The following SPATA6 variants were observed in gnomAD, a reference collection of about 807,000 sequenced individuals.
The protein encoded by SPATA6 is spermatogenesis associated 6.
Under a neutral mutation model 65.3 loss-of-function variants are expected in SPATA6, and 56 were observed. The observed-to-expected ratio is 0.86, with a 90% confidence interval of 0.69 to 1.07. The LOEUF is 1.07. SPATA6 is among the 50% of genes least tolerant of loss of function. The probability of loss-of-function intolerance (pLI) is 0.00; values close to 1 mark genes in which losing one functional copy is unlikely to be tolerated. For missense variants in SPATA6, 590 were observed against 594.8 expected (o/e 0.99, Z 0.08); for synonymous variants, 199 against 213.2 (o/e 0.93, Z 0.58).
chr1:48,346,264 A>T (rs1204688399), intron 11 of SPATA6, among the ~76,000 whole-genome samples: 1 of 152,172 alleles, frequency 6.6e-6, no homozygotes, highest in Non-Finnish European at 1.5e-5. Flanking sequence ...AAGGCTTTTG[A>T]TAAAATTCAA....
chr1:48,364,624 C>G (rs1646934932), intron 9 of SPATA6, among the ~76,000 whole-genome samples: 1 of 152,200 alleles, frequency 6.6e-6, no homozygotes. Context: ...CTGTTCATAT[C>G]CTTTGCCAAC....
At chr1:48,421,229 T>G (rs1433885355) in intron 3 of SPATA6, among the ~76,000 whole-genome samples, 1 of 152,156 alleles carries the variant, frequency 6.6e-6, no homozygotes, top group Non-Finnish European at 1.5e-5. Flanking sequence ...AATAAATGTT[T>G]GAGGTGCTAG....
chr1:48,433,655 A>T (rs1170297603), intron 3 of SPATA6, among the ~76,000 whole-genome samples: 1 of 152,164 alleles, frequency 6.6e-6, no homozygotes, highest in Non-Finnish European at 1.5e-5. Context: ...CTGCTATAAT[A>T]ATTTTTTCTG....
At chr1:48,446,588 T>A (rs532373836) in intron 3 of SPATA6, among the ~76,000 whole-genome samples, 6 of 152,162 alleles carry the variant, frequency 3.9e-5, no homozygotes, top group East Asian at 1.9e-4. Context: ...AGAAAAAAAA[T>A]TTAAGGGTTT....
chr1:48,265,480 A>G, the SPATA6 span, among the ~76,000 whole-genome samples: 1 of 152,008 alleles, frequency 6.6e-6, no homozygotes, highest in African/African-American at 2.4e-5. Context: ...GCCAAGCATT[A>G]TGTTTCTTGG....
intron 8 of SPATA6, 67 bp from the exon 9 acceptor site, chr1:48,385,416 ATT>A: frequency 1.5e-6 from 2 of 1,356,996 alleles, no homozygotes; most frequent in Non-Finnish European, 2.1e-6. Context: ...TAATACTATC[ATT>A]GTTTCTACAA....
At chr1:48,465,823 C>A (rs141761663) in intron 1 of SPATA6, among the ~76,000 whole-genome samples, 189 of 152,212 alleles carry the variant, frequency 1.2e-3, no homozygotes, top group African/African-American at 4.3e-3. Flanking sequence ...ACAAAGTGTA[C>A]TCTTTCCTCA....
At chr1:48,365,293 G>C (rs1436342016) in intron 9 of SPATA6, among the ~76,000 whole-genome samples, 9 of 152,188 alleles carry the variant, frequency 5.9e-5, no homozygotes, top group Admixed American at 5.9e-4. Context: ...CTCTTTTTTG[G>C]TTCCATATGA....
In SPATA6 at chr1:48,298,788, G is replaced by A. The variant is rs1644860632; in HGVS notation, c.1392C>T (p.Asn464=). The A allele has an allele frequency of 2.5e-6, 4 of 1,613,988 alleles. No homozygotes were observed. In the East Asian group the frequency reaches 6.7e-5, roughly 27 times the overall value. The change falls in exon 13 of 13, where the codon AAC becomes AAT. Residue 464 remains asparagine (N), a synonymous_variant. Transcript: ENST00000371847. ...KGKSHRPIFE[N]SMDKMYRNLY... is the part of the protein sequence containing the mutation. The stretch of plus-strand genomic sequence containing the variant: ...AGTTCCTGTACATCTTGTCCATGCT[G>A]TTCTCAAAGATGGGTCGGTGGGATT...
chr1:48,359,590 C>T lies in SPATA6; in HGVS notation c.1090G>A (p.Glu364Lys). The T allele has an allele frequency of 6.2e-7, 1 of 1,612,468 alleles. No individual in the cohort carries two copies. The highest frequency in any genetic ancestry group is 8.5e-7 in the Non-Finnish European group (1 of 1,178,982). ...SPVLNRASLR[E>K]RFHSDWCSPS... ...ATGAAGACCGCACATAATTACCTTT[C>T]CCTGAGAGAAGCTCTATTTAACACA... Residue 364 changes from glutamate (E) to lysine (K), a missense_variant, in exon 10 of 13, where the codon GAA (glutamate) becomes AAA (lysine). Glu to Lys is a moderately conservative substitution (Grantham distance 56). Coordinates refer to ENST00000371847, the MANE Select transcript of SPATA6 (RefSeq NM_019073.4).
chr1:48,385,384 A>C, intron 8 of SPATA6, 35 bp from the exon 9 acceptor site: 2 of 1,585,178 alleles, frequency 1.3e-6, no homozygotes, highest in Non-Finnish European at 1.7e-6. Flanking sequence ...TAAAGTTTAA[A>C]TTTGGTTTCA....
intron 11 of SPATA6, among the ~76,000 whole-genome samples, chr1:48,341,056 T>C (rs1343352116): frequency 6.6e-6 from 1 of 152,120 alleles, no homozygotes; most frequent in Non-Finnish European, 1.5e-5. Context: ...ACACTAGTAT[T>C]GGGAAAACAA....
rs140731181 is a variant in SPATA6 at position 48,312,678 on chromosome 1, C to T, written c.1195-6800G>A. Among the ~76,000 whole-genome samples the T allele has an allele frequency of 3.0e-3, 463 of 152,232 alleles. 2 individuals are homozygous for T. The highest frequency in any genetic ancestry group is 0.01 in the African/African-American group (419 of 41,526). ...AAGGAATGCAGCTCCTCACCAGCAA[C>T]GGAACAAAGTGGGATGGAGAATGAA... On this transcript the variant is annotated intron_variant, in intron 11 of 12. Transcript: ENST00000371847.
chr1:48,433,345 A>C (rs1654583042), intron 3 of SPATA6, among the ~76,000 whole-genome samples: 1 of 152,298 alleles, frequency 6.6e-6, no homozygotes, highest in Non-Finnish European at 1.5e-5. Flanking sequence ...TAAATTATTT[A>C]AAGAAAAGCT....
At chr1:48,389,272 C>G (rs527394427) in intron 8 of SPATA6, among the ~76,000 whole-genome samples, 1 of 152,256 alleles carries the variant, frequency 6.6e-6, no homozygotes, top group African/African-American at 2.4e-5. Context: ...ATGAACAAAA[C>G]CTTTGTGATC....
At chr1:48,415,485 A>G (rs1652675635) in intron 3 of SPATA6, among the ~76,000 whole-genome samples, 1 of 152,176 alleles carries the variant, frequency 6.6e-6, no homozygotes. Context: ...TTTCACAAAT[A>G]AAAAAGAAAT....
chr1:48,404,454 C>G (rs897598353), intron 5 of SPATA6, among the ~76,000 whole-genome samples: 4 of 151,976 alleles, frequency 2.6e-5, no homozygotes, highest in African/African-American at 4.8e-5. Context: ...GTGATCCTTT[C>G]CCCTCAGCCT....
chr1:48,329,783 G>C lies in SPATA6; in HGVS notation c.1195-23905C>G, dbSNP rs1371345569. Reference sequence around the variant, plus strand: ...CCCATCTGAGCTCAGCGCAGAACCAGGAGGACCCCTCCAACACTGGAAAGG... The same window carrying C: ...CCCATCTGAGCTCAGCGCAGAACCACGAGGACCCCTCCAACACTGGAAAGG... On this transcript the variant is annotated intron_variant, in intron 11 of 12. Coordinates refer to ENST00000371847, the MANE Select transcript of SPATA6 (RefSeq NM_019073.4). Among the ~76,000 whole-genome samples, 3 of 152,184 alleles carry C rather than the reference G, an allele frequency of 2.0e-5. No individual in the cohort carries two copies. The East Asian group carries it at 5.8e-4, about 29-fold the overall frequency.
intron 9 of SPATA6, among the ~76,000 whole-genome samples, chr1:48,378,466 A>T (rs895933409): frequency 5.9e-5 from 9 of 152,188 alleles, no homozygotes; most frequent in Non-Finnish European, 1.3e-4. Flanking sequence ...CTCACTGCTG[A>T]TAAAGACATA....
Sources: gnomAD v4.1 joint callset for allele counts (sites outside exome capture counted in the v4.1 genomes callset) on GRCh38, gnomAD v4.1.1 for gene constraint, MANE v1.5 for transcripts, NCBI Gene and HGNC (gene_info 2026-07-23, HGNC 2026-07-21) for gene names.